MECOM: variants seen among roughly 807,000 people sequenced by gnomAD.
The protein encoded by MECOM is MDS1 and EVI1 complex locus, also known as histone-lysine N-methyltransferase MECOM.
Under a neutral mutation model 116.3 loss-of-function variants are expected in MECOM, and 13 were observed. That is an observed-to-expected ratio of 0.11 (90% CI 0.07 to 0.18). MECOM has a LOEUF of 0.18. Among genes scored for constraint, MECOM ranks in the 10% least tolerant of loss-of-function variants. The probability of loss-of-function intolerance (pLI) is 1.00; values close to 1 mark genes in which losing one functional copy is unlikely to be tolerated. For missense variants in MECOM, 1,299 were observed against 1,509.0 expected, an observed-to-expected ratio of 0.86 and a Z score of 2.31; for synonymous variants, 528 against 535.2, an observed-to-expected ratio of 0.99 and a Z score of 0.19.
At chr3:169,291,948 A>G (rs1378473055) in intron 2 of MECOM, among the ~76,000 whole-genome samples, 1 of 152,204 alleles carries the variant, frequency 6.6e-6, no homozygotes, top group Non-Finnish European at 1.5e-5. Flanking sequence ...TATTTGTTTC[A>G]ACAGATTCAC....
At chr3:169,453,283 G>A (rs1045440263) in intron 1 of MECOM, among the ~76,000 whole-genome samples, 1 of 152,186 alleles carries the variant, frequency 6.6e-6, no homozygotes, top group African/African-American at 2.4e-5. Flanking sequence ...CATGTTTTGT[G>A]CAGGCTGACA....
intron 1 of MECOM, among the ~76,000 whole-genome samples, chr3:169,395,872 C>A (rs1188101556): frequency 6.6e-6 from 1 of 152,152 alleles, no homozygotes; most frequent in Non-Finnish European, 1.5e-5. Flanking sequence ...TTCACTGGTG[C>A]CTTTGCAGCA....
intron 2 of MECOM, among the ~76,000 whole-genome samples, chr3:169,368,805 T>C (rs1458875899): frequency 6.6e-6 from 1 of 151,994 alleles, no homozygotes. Context: ...CCTGAATATT[T>C]TATTGTGAGT....
At chr3:169,635,930 A>G (rs1463501223) in intron 1 of MECOM, among the ~76,000 whole-genome samples, 1 of 152,206 alleles carries the variant, frequency 6.6e-6, no homozygotes, top group African/African-American at 2.4e-5. Context: ...AATTTTTTAA[A>G]CCTAAATGCA....
chr3:169,209,100 T>G (rs1231308294), intron 2 of MECOM, among the ~76,000 whole-genome samples: 1 of 152,166 alleles, frequency 6.6e-6, no homozygotes, highest in African/African-American at 2.4e-5. Context: ...GGGGAAAGGA[T>G]TCCCTATTTA....
In MECOM at chr3:169,637,100, G is replaced by A. The variant is rs1772887135; in HGVS notation, c.37+26236C>T. On this transcript the variant is annotated intron_variant, in intron 1 of 16. Transcript: ENST00000651503. ...CATAAAAAGCCTTGCAGCTTAGAAT[G>A]CTCCCTCCAGCAACCCAGCCACTGT... Among the ~76,000 whole-genome samples the A allele has an allele frequency of 2.0e-5, 3 of 152,272 alleles. No homozygotes were observed. In the South Asian group the frequency reaches 6.2e-4, roughly 32 times the overall value.
At chr3:169,146,168 T>G in intron 2 of MECOM, 1 of 1,059,088 alleles carries the variant, frequency 9.4e-7, no homozygotes, top group Non-Finnish European at 1.2e-6. Context: ...TAGGTAGACT[T>G]TAGAGAAAGG....
intron 2 of MECOM, among the ~76,000 whole-genome samples, chr3:169,312,518 G>A (rs148821574): frequency 0.053 from 8,095 of 151,906 alleles, 516 homozygotes; most frequent in African/African-American, 0.14. Flanking sequence ...ACAGGTGCCC[G>A]CCACCATGCC....
intron 1 of MECOM, among the ~76,000 whole-genome samples, chr3:169,659,857 T>C (rs971241143): frequency 2.0e-5 from 3 of 152,092 alleles, no homozygotes; most frequent in Non-Finnish European, 4.4e-5. Flanking sequence ...GGCATCTACC[T>C]TTCCTACTTC....
At chr3:169,322,082 C>T (rs1560129366) in intron 2 of MECOM, among the ~76,000 whole-genome samples, 1 of 152,192 alleles carries the variant, frequency 6.6e-6, no homozygotes, top group African/African-American at 2.4e-5. Context: ...CCCTTGTCAA[C>T]ACCATCATTT....
intron 7 of MECOM, among the ~76,000 whole-genome samples, chr3:169,117,182 C>A (rs1262085611): frequency 6.6e-6 from 1 of 152,048 alleles, no homozygotes; most frequent in Admixed American, 6.6e-5. Context: ...TTTGTAGGCA[C>A]CAAAACAAAA....
At chr3:169,563,277 C>A (rs1003268852) in intron 1 of MECOM, among the ~76,000 whole-genome samples, 7 of 152,156 alleles carry the variant, frequency 4.6e-5, no homozygotes, top group Non-Finnish European at 8.8e-5. Flanking sequence ...TGGGGGTGAG[C>A]AGGTTCATAA....
intron 1 of MECOM, among the ~76,000 whole-genome samples, chr3:169,624,105 G>A (rs990336347): frequency 6.6e-6 from 1 of 152,194 alleles, no homozygotes; most frequent in Non-Finnish European, 1.5e-5. Flanking sequence ...GGTCAGTTCA[G>A]TCTGGGCCTG....
chr3:169,170,996 T>C (rs1343146678), intron 2 of MECOM, among the ~76,000 whole-genome samples: 1 of 152,202 alleles, frequency 6.6e-6, no homozygotes, highest in Non-Finnish European at 1.5e-5. Context: ...CTGCTTTCAA[T>C]GTTGCTAAAT....
intron 1 of MECOM, among the ~76,000 whole-genome samples, chr3:169,662,873 GC>G (rs1183667511): frequency 6.6e-6 from 1 of 151,668 alleles, no homozygotes; most frequent in Non-Finnish European, 1.5e-5. Flanking sequence ...TCTCCTGCCG[GC>G]CCCCCATCCC....
chr3:169,517,842 AAG>A (rs1188275479), intron 1 of MECOM, among the ~76,000 whole-genome samples: 4 of 152,256 alleles, frequency 2.6e-5, no homozygotes, highest in African/African-American at 9.6e-5. Context: ...AGTTCAAAAA[AAG>A]AGAGAAAAAA....
intron 8 of MECOM, among the ~76,000 whole-genome samples, chr3:169,114,832 T>C (rs966426034): frequency 8.5e-5 from 13 of 152,194 alleles, no homozygotes; most frequent in Non-Finnish European, 1.5e-4. Flanking sequence ...AGAGACATTT[T>C]TTAAGCCAAC....
intron 1 of MECOM, among the ~76,000 whole-genome samples, chr3:169,418,559 G>A (rs1399705701): frequency 2.0e-5 from 3 of 152,044 alleles, no homozygotes; most frequent in Non-Finnish European, 4.4e-5. Context: ...TGATCAAGTC[G>A]GCTTCACCCC....
At chr3:169,376,809 C>G (rs1731122245) in intron 2 of MECOM, among the ~76,000 whole-genome samples, 1 of 152,110 alleles carries the variant, frequency 6.6e-6, no homozygotes, top group Non-Finnish European at 1.5e-5. Flanking sequence ...ACTTTCTTCA[C>G]AGAATTAGAA....
Sources: gnomAD v4.1 joint callset for allele counts (sites outside exome capture counted in the v4.1 genomes callset) on GRCh38, gnomAD v4.1.1 for gene constraint, MANE v1.5 for transcripts, NCBI Gene and HGNC (gene_info 2026-07-23, HGNC 2026-07-21) for gene names.